CDH18: variants seen among roughly 807,000 people sequenced by gnomAD.
The protein encoded by CDH18 is cadherin 18, also known as cadherin-18.
A neutral mutation model predicts 67.9 loss-of-function variants in CDH18; 31 were observed. The observed-to-expected ratio is 0.46, with a 90% CI of 0.34 to 0.62. The LOEUF (loss-of-function observed/expected upper bound fraction) is 0.62, where lower values mean the gene tolerates loss of function less well. CDH18 is among the 20% of genes least tolerant of loss of function. CDH18 has a pLI of 0.01. For missense variants in CDH18, 890 were observed against 975.5 expected (o/e 0.91, Z 1.17); for synonymous variants, 362 against 347.2 (o/e 1.04, Z -0.48).
At chr5:20,242,626 A>ACATG (rs1197675051) in intron 2 of CDH18, among the ~76,000 whole-genome samples, 5 of 122,830 alleles carry the variant, frequency 4.1e-5, no homozygotes, top group African/African-American at 1.5e-4. Flanking sequence ...ATATATATAT[A>ACATG]TATATATGTA....
At chr5:19,966,165 T>C (rs1797421051) in intron 2 of CDH18, among the ~76,000 whole-genome samples, 1 of 152,172 alleles carries the variant, frequency 6.6e-6, no homozygotes, top group African/African-American at 2.4e-5. Flanking sequence ...TTGTGAAACC[T>C]GGTATATCAG....
chr5:20,513,433 A>G (rs1015413446), intron 1 of CDH18, among the ~76,000 whole-genome samples: 4 of 152,174 alleles, frequency 2.6e-5, no homozygotes, highest in Non-Finnish European at 2.9e-5. Flanking sequence ...TAACTCATCT[A>G]TATTTCCCCT....
chr5:20,271,924 C>CAGAGAGAGAGGG (rs1554110579), intron 1 of CDH18, among the ~76,000 whole-genome samples: 4 of 146,562 alleles, frequency 2.7e-5, no homozygotes, highest in Non-Finnish European at 4.5e-5. Flanking sequence ...TGTAGAGAGG[C>CAGAGAGAGAGGG]AGAGAGAGAG....
chr5:19,648,479 C>T (rs752468756), intron 5 of CDH18, among the ~76,000 whole-genome samples: 3 of 152,046 alleles, frequency 2.0e-5, no homozygotes, highest in Non-Finnish European at 1.5e-5. Flanking sequence ...TCTAGAATGT[C>T]TCCTAAGTAG....
chr5:19,679,282 T>G (rs549803730), intron 5 of CDH18, among the ~76,000 whole-genome samples: 1 of 152,100 alleles, frequency 6.6e-6, no homozygotes, highest in East Asian at 1.9e-4. Flanking sequence ...CTCAACAAAC[T>G]AGGCATTGAA....
At position 19,821,146 on chromosome 5, in the gene CDH18, A is replaced by G. The variant is rs372310869; in HGVS notation, c.228+17613T>C. ...GACAGACATAGGATTCAGAGTTTGG[A>G]TGGCAAGGAAGCTCAACAAGATCCA... is the stretch of plus-strand genomic sequence containing the variant. On this transcript the variant is annotated intron_variant, in intron 3 of 12. Transcript: ENST00000382275. 3.4e-4 allele frequency among the ~76,000 whole-genome samples: 52 copies of G among 152,248 alleles called. 1 individual carries two copies. Among genetic ancestry groups the G allele is most frequent in the African/African-American group, 1.3e-3 (52 of 41,552 alleles).
intron 1 of CDH18, among the ~76,000 whole-genome samples, chr5:20,523,524 T>C (rs1189177111): frequency 6.6e-6 from 1 of 152,116 alleles, no homozygotes; most frequent in Admixed American, 6.6e-5. Context: ...AATATGATAA[T>C]GGAAACACAA....
At chr5:19,579,136 T>C (rs1451343167) in intron 7 of CDH18, among the ~76,000 whole-genome samples, 1 of 152,012 alleles carries the variant, frequency 6.6e-6, no homozygotes, top group African/African-American at 2.4e-5. Flanking sequence ...AAATACTTTA[T>C]CTATCACAGA....
chr5:20,427,867 G>A (rs1187515108), intron 1 of CDH18, among the ~76,000 whole-genome samples: 1 of 151,154 alleles, frequency 6.6e-6, no homozygotes, highest in Admixed American at 6.6e-5. Flanking sequence ...AAATTTGTTA[G>A]CTGAAAGTTG....
chr5:20,423,946 CAAAAA>C (rs553723574), intron 1 of CDH18, among the ~76,000 whole-genome samples: 11 of 63,858 alleles, frequency 1.7e-4, no homozygotes, highest in African/African-American at 6.3e-4. Flanking sequence ...GACTCCGTCT[CAAAAA>C]AAAAAAAAAA....
intron 3 of CDH18, among the ~76,000 whole-genome samples, chr5:19,779,627 G>A (rs559497837): frequency 6.6e-6 from 1 of 152,218 alleles, no homozygotes; most frequent in South Asian, 2.1e-4. Context: ...ATTCGCCACA[G>A]TTTTTTTCTT....
chr5:20,517,736 A>G (rs1755466360), intron 1 of CDH18, among the ~76,000 whole-genome samples: 1 of 152,104 alleles, frequency 6.6e-6, no homozygotes, highest in Admixed American at 6.6e-5. Flanking sequence ...TAAGTAGTTT[A>G]CAATTTGTTT....
chr5:20,275,706 C>T (rs1399640653), intron 1 of CDH18, among the ~76,000 whole-genome samples: 3 of 152,078 alleles, frequency 2.0e-5, no homozygotes, highest in Admixed American at 6.6e-5. Context: ...GCTTTCCACA[C>T]AAAAAATCAC....
intron 5 of CDH18, among the ~76,000 whole-genome samples, chr5:19,640,210 G>C (rs922666772): frequency 2.6e-5 from 4 of 152,112 alleles, no homozygotes; most frequent in African/African-American, 9.7e-5. Context: ...GTCATATGCA[G>C]ACTAATGTAG....
At chr5:20,051,413 A>G (rs894308029) in intron 2 of CDH18, among the ~76,000 whole-genome samples, 3 of 152,002 alleles carry the variant, frequency 2.0e-5, no homozygotes, top group Admixed American at 1.3e-4. Context: ...ACTTATAAAG[A>G]CCATTATAAA....
chr5:19,965,465 A>G (rs1220494799), intron 2 of CDH18, among the ~76,000 whole-genome samples: 1 of 152,182 alleles, frequency 6.6e-6, no homozygotes, highest in Non-Finnish European at 1.5e-5. Flanking sequence ...ACTTTACTAT[A>G]TGTTTAAAAT....
At chr5:19,820,003 G>C (rs1392257934) in intron 3 of CDH18, among the ~76,000 whole-genome samples, 2 of 152,260 alleles carry the variant, frequency 1.3e-5, no homozygotes, top group African/African-American at 2.4e-5. Context: ...GGGTCCCAGA[G>C]GACAAAGCTT....
chr5:19,861,904 A>C (rs1166623387), intron 2 of CDH18, among the ~76,000 whole-genome samples: 1 of 152,208 alleles, frequency 6.6e-6, no homozygotes, highest in African/African-American at 2.4e-5. Flanking sequence ...ATGAGTGAGT[A>C]GAAATCCCAT....
chr5:20,279,820 G>C (rs1746107221), intron 1 of CDH18, among the ~76,000 whole-genome samples: 1 of 146,806 alleles, frequency 6.8e-6, no homozygotes, highest in Non-Finnish European at 1.5e-5. Context: ...CATCCAGACA[G>C]AAAATCATCA....
Sources: allele counts gnomAD v4.1 joint callset (sites outside exome capture counted in the v4.1 genomes callset), GRCh38; gene constraint gnomAD v4.1.1; transcripts MANE v1.5; gene names NCBI Gene and HGNC (gene_info 2026-07-23, HGNC 2026-07-21).